Variants in PEAK1 observed in about 807,000 individuals in gnomAD.
PEAK1 encodes inactive tyrosine-protein kinase PEAK1.
A neutral mutation model predicts 124.7 loss-of-function variants in PEAK1; 54 were observed. The ratio of observed to expected loss-of-function variants is 0.43; its 90% CI spans 0.35 to 0.54. The LOEUF (loss-of-function observed/expected upper bound fraction) is 0.54. Ranked by LOEUF, PEAK1 falls within the 20% of genes least tolerant of loss-of-function variation. The pLI is 0.01. For synonymous variants in PEAK1, 719 were observed against 760.0 expected, an observed-to-expected ratio of 0.95 and a Z score of 0.89; for missense variants, 2,046 against 2,134.5, an observed-to-expected ratio of 0.96 and a Z score of 0.82.
chr15:77,266,337 A>G (rs932803615), intron 5 of PEAK1, among the ~76,000 whole-genome samples: 1 of 152,198 alleles, frequency 6.6e-6, no homozygotes, highest in East Asian at 1.9e-4. Flanking sequence ...TATTTACTCC[A>G]CAGAGTGGGT....
At chr15:77,347,659 C>T (rs2066947123) in intron 2 of PEAK1, 1 of 975,570 alleles carries the variant, frequency 1.0e-6, no homozygotes, top group Non-Finnish European at 1.2e-6. Flanking sequence ...AATATAACAA[C>T]ATAAAACAAC....
chr15:77,264,396 C>G (rs2061605404), intron 5 of PEAK1, among the ~76,000 whole-genome samples: 1 of 152,192 alleles, frequency 6.6e-6, no homozygotes, highest in South Asian at 2.1e-4. Context: ...TGATAAGCAA[C>G]TTCAGCAAAG....
chr15:77,152,892 A>C (rs2054781295), intron 8 of PEAK1, among the ~76,000 whole-genome samples: 1 of 152,140 alleles, frequency 6.6e-6, no homozygotes, highest in Non-Finnish European at 1.5e-5. Flanking sequence ...TCGGTTTGCC[A>C]GTATTTTATT....
intron 2 of PEAK1, among the ~76,000 whole-genome samples, chr15:77,303,006 A>T (rs1019573416): frequency 7.9e-5 from 12 of 152,194 alleles, no homozygotes; most frequent in African/African-American, 2.7e-4. Context: ...AGAATGTCAT[A>T]TAACTGGACT....
intron 5 of PEAK1, among the ~76,000 whole-genome samples, chr15:77,262,965 A>G (rs1470691832): frequency 1.3e-5 from 2 of 152,222 alleles, no homozygotes; most frequent in Admixed American, 1.3e-4. Context: ...AAAACCACTC[A>G]GCTACATGGA....
chr15:77,267,783 TG>T (rs2061816241), intron 5 of PEAK1, among the ~76,000 whole-genome samples: 1 of 152,038 alleles, frequency 6.6e-6, no homozygotes, highest in Non-Finnish European at 1.5e-5. Context: ...AAAACAATTC[TG>T]ATAATAGACA....
At chr15:77,144,136 T>G (rs1298797425) in intron 8 of PEAK1, among the ~76,000 whole-genome samples, 1 of 152,104 alleles carries the variant, frequency 6.6e-6, no homozygotes, top group Non-Finnish European at 1.5e-5. Context: ...TCAGAGGAGG[T>G]GAAGAACGGC....
chr15:77,263,100 A>C (rs2061527354), intron 5 of PEAK1, among the ~76,000 whole-genome samples: 1 of 152,216 alleles, frequency 6.6e-6, no homozygotes, highest in Admixed American at 6.5e-5. Flanking sequence ...ACACATTCAA[A>C]GCAGTGCGTA....
chr15:77,352,901 C>G (rs1158820140), intron 2 of PEAK1: 2 of 985,162 alleles, frequency 2.0e-6, no homozygotes, highest in Non-Finnish European at 1.2e-6. Context: ...GGACTAAAGG[C>G]ACATATTTGC....
chr15:77,197,845 A>G (rs1255958952), intron 6 of PEAK1, among the ~76,000 whole-genome samples: 2 of 152,084 alleles, frequency 1.3e-5, no homozygotes, highest in African/African-American at 2.4e-5. Flanking sequence ...TTACATATGG[A>G]TTTTTTCAAT....
chr15:77,140,440 G>A (rs1489631806), intron 8 of PEAK1, among the ~76,000 whole-genome samples: 2 of 152,134 alleles, frequency 1.3e-5, no homozygotes, highest in East Asian at 3.8e-4. Context: ...TTTAACATCT[G>A]AAAATCAATC....
At chr15:77,396,460 C>A (rs528783436) in intron 1 of PEAK1, among the ~76,000 whole-genome samples, 1 of 151,986 alleles carries the variant, frequency 6.6e-6, no homozygotes, top group African/African-American at 2.4e-5. Context: ...ACTCTCCTAT[C>A]AAAAGACACA....
intron 5 of PEAK1, among the ~76,000 whole-genome samples, chr15:77,260,051 G>A (rs1228439668): frequency 6.6e-6 from 1 of 152,122 alleles, no homozygotes; most frequent in Non-Finnish European, 1.5e-5. Flanking sequence ...AATGTTACCA[G>A]ATAGTTGCAA....
chr15:77,417,461 G>C (rs1567378150), intron 1 of PEAK1: 6 of 826,090 alleles, frequency 7.3e-6, no homozygotes, highest in African/African-American at 3.8e-5. Flanking sequence ...ATGCGGGGCG[G>C]GGGGGGAGGG....
At chr15:77,279,360 T>C (rs2062537542) in intron 5 of PEAK1, among the ~76,000 whole-genome samples, 1 of 152,090 alleles carries the variant, frequency 6.6e-6, no homozygotes, top group Admixed American at 6.6e-5. Context: ...AACAAATTTG[T>C]TTTTATGTTC....
At chr15:77,412,838 T>C (rs533590651) in intron 1 of PEAK1, among the ~76,000 whole-genome samples, 4 of 151,672 alleles carry the variant, frequency 2.6e-5, no homozygotes, top group Non-Finnish European at 5.9e-5. Context: ...AATAAAGAAG[T>C]GTGCATGTAC....
rs1220071521 is a variant in PEAK1, at chr15:77,112,705, A to ACC, written c.*1450_*1451insGG. ...CACACACACACACACACACACACAC[A>ACC]ACCCCAGTGGAAGGAACGCTCATCT... On this transcript the variant is annotated 3_prime_UTR_variant, in exon 10 of 10. Transcript: ENST00000682557. The ACC allele has an allele frequency of 1.5e-5, 2 of 132,548 alleles. No homozygotes were observed. The highest frequency in any genetic ancestry group is 3.3e-5 in the Non-Finnish European group (2 of 60,546). The allele number at this position is 132,548 out of a possible 1,614,324, so 8.2% of individuals were successfully genotyped here.
In PEAK1 at chr15:77,181,371, G is replaced by T; in HGVS notation, c.556C>A (p.Arg186=). Residue 186 remains arginine (R), a synonymous_variant, in exon 7 of 10, where the codon CGA becomes AGA. Transcript: ENST00000682557. ...FLGRINDCYK[R]SLERKLPPSC... ...GGTGGAAGCTTTCTTTCCAATGATC[G>T]TTTATAGCAATCATTTATTCTTCCC... 1 of 1,613,968 alleles carries T rather than the reference G, an allele frequency of 6.2e-7. No individual in the cohort carries two copies. Among genetic ancestry groups the T allele is most frequent in the South Asian group, 1.1e-5 (1 of 91,066 alleles).
chr15:77,273,026 T>C (rs376369967), intron 5 of PEAK1, among the ~76,000 whole-genome samples: 46 of 152,218 alleles, frequency 3.0e-4, no homozygotes, highest in African/African-American at 9.4e-4. Flanking sequence ...ATCATCTCAA[T>C]AGATTGCACA....
Sources: allele counts gnomAD v4.1 joint callset (sites outside exome capture counted in the v4.1 genomes callset), GRCh38; gene constraint gnomAD v4.1.1; transcripts MANE v1.5; gene names NCBI Gene and HGNC (gene_info 2026-07-23, HGNC 2026-07-21).